SRSF3: variants seen among roughly 807,000 people sequenced by gnomAD.
The protein encoded by SRSF3 is serine/arginine-rich splicing factor 3.
For synonymous variants in SRSF3, 87 were observed against 73.6 expected (o/e 1.18, Z -0.93); for missense variants, 58 against 217.1 (o/e 0.27, Z 4.61).
chr6:36,599,922 G>A (rs1354140842), intron 3 of SRSF3: 19 of 1,348,038 alleles, frequency 1.4e-5, no homozygotes, highest in African/African-American at 4.4e-5. Flanking sequence ...CAGCTTGGCT[G>A]GTGTCGTTTC....
At chr6:36,601,838 T>TGTCTTTGC in intron 5 of SRSF3, 44 bp downstream of exon 5, 1 of 1,604,410 alleles carries the variant, frequency 6.2e-7, no homozygotes, top group South Asian at 1.1e-5. Context: ...GCATACATAG[T>TGTCTTTGC]ATGCTAAGGC....
chr6:36,600,815 A>G (rs1778699020), intron 3 of SRSF3: 1 of 199,632 alleles, frequency 5.0e-6, no homozygotes, highest in African/African-American at 2.3e-5. Flanking sequence ...TTTTGGAACT[A>G]CTTGTGGGAC....
rs1037839208 is a variant in SRSF3 at position 36,603,350 on chromosome 6, A to C, written c.*1361A>C. The C allele has an allele frequency of 4.4e-6, 1 of 224,900 alleles. No individual in the cohort carries two copies. Among genetic ancestry groups the C allele is most frequent in the Non-Finnish European group, 8.9e-6 (1 of 112,598 alleles). 13.9% of individuals were successfully genotyped at this position (224,900 alleles called of 1,614,324 possible). A position where few individuals can be genotyped will look rare whatever the true frequency, so the allele number is the denominator to read the frequency against. ...ACAGTGCAGAATTGAATATGGAGGC[A>C]TGCATAACCTTCCTCTTAGAAAATG... On this transcript the variant is annotated 3_prime_UTR_variant, in exon 6 of 6. Coordinates refer to ENST00000373715, the MANE Select transcript of SRSF3 (RefSeq NM_003017.5).
At chr6:36,601,104 A>G (rs751615361) in intron 3 of SRSF3, 48 bp from the exon 4 acceptor site, 8 of 1,584,812 alleles carry the variant, frequency 5.0e-6, no homozygotes, top group Middle Eastern at 1.7e-4. Context: ...GCCTCACGCC[A>G]TAAATACTAA....
At chr6:36,597,094 G>GAT in intron 2 of SRSF3, 126 bp downstream of exon 2, 20 of 614,050 alleles carry the variant, frequency 3.3e-5, no homozygotes, top group South Asian at 6.1e-5. Flanking sequence ...ATACAATTGG[G>GAT]ATCTTTTTTT....
intron 3 of SRSF3, 129 bp downstream of exon 3, chr6:36,599,112 TG>T: frequency 1.7e-6 from 2 of 1,202,640 alleles, no homozygotes; most frequent in Non-Finnish European, 2.3e-6. Context: ...AAACATTTGT[TG>T]GGTGTAATTT....
intron 4 of SRSF3, 57 bp from the exon 5 acceptor site, chr6:36,601,651 T>C (rs1778717817): frequency 6.8e-7 from 1 of 1,464,402 alleles, no homozygotes. Flanking sequence ...ATCAAGAAAA[T>C]ATTTATGTAT....
Position 36,599,002 on chromosome 6 carries a change from G to GTT in SRSF3, c.341+20_341+21dup, listed in dbSNP as rs760969534. The GTT allele has an allele frequency of 2.4e-5, 39 of 1,613,732 alleles. No homozygotes were observed. Among genetic ancestry groups the GTT allele is most frequent in the Non-Finnish European group, 3.0e-5 (35 of 1,179,840 alleles). On this transcript the variant is annotated intron_variant, in intron 3 of 5. Transcript: ENST00000373715. The stretch of plus-strand genomic sequence containing the variant: ...GTCGCAGGTACTTGAGAGAAAGCTT[G>GTT]TTAAGAGGTATTGGTGTAATGGAGT...
chr6:36,595,224 C>T (rs1397189566), intron 1 of SRSF3, among the ~76,000 whole-genome samples: 1 of 152,138 alleles, frequency 6.6e-6, no homozygotes, highest in Non-Finnish European at 1.5e-5. Context: ...TGAAACTGGT[C>T]TACAAGTTTA....
chr6:36,596,622 C>A, intron 1 of SRSF3, 139 bp from the exon 2 acceptor site: 1 of 616,264 alleles, frequency 1.6e-6, no homozygotes, highest in Non-Finnish European at 2.6e-6. Context: ...TGTTTGGTTT[C>A]TAGCATTTTT....
In SRSF3 at chr6:36,601,891, C is replaced by T. The variant is rs1417475479; in HGVS notation, c.468-71C>T. ...AATTTTTTACCTTAAAGTTCTATTT[C>T]GATATGTCACTAAAGTGTCACCAAG... is the stretch of plus-strand genomic sequence containing the variant. On this transcript the variant is annotated intron_variant, in intron 5 of 5. Transcript: ENST00000373715. 29 of 1,581,066 alleles carry T rather than the reference C, an allele frequency of 1.8e-5. No homozygotes were observed. In the Admixed American group the frequency reaches 2.2e-4, roughly 12 times the overall value.
Position 36,604,396 on chromosome 6 carries a change from G to A in SRSF3, c.*2407G>A. On this transcript the variant is annotated 3_prime_UTR_variant, in exon 6 of 6. Coordinates refer to ENST00000373715, the MANE Select transcript of SRSF3 (RefSeq NM_003017.5). ...AGGGCGGGTGGGAGGATCTCTTGAA[G>A]CCAGGAGTTGGAGACCAGTCTGCCC... is the stretch of plus-strand genomic sequence containing the variant. 4.9e-6 allele frequency: 1 copy of A among 202,118 alleles called. No homozygotes were observed. The highest frequency in any genetic ancestry group is 7.6e-5 in the East Asian group (1 of 13,088). The allele number at this position is 202,118 out of a possible 1,614,324, so 12.5% of individuals were successfully genotyped here. A position where few individuals can be genotyped will look rare whatever the true frequency, so the allele number is the denominator to read the frequency against.
intron 4 of SRSF3, 108 bp downstream of exon 4, chr6:36,601,298 G>C: frequency 9.4e-7 from 1 of 1,062,180 alleles, no homozygotes; most frequent in Non-Finnish European, 1.4e-6. Flanking sequence ...GGCTTTAATA[G>C]TGAATCAAGT....
At chr6:36,595,851 T>C (rs1386481370) in intron 1 of SRSF3, among the ~76,000 whole-genome samples, 1 of 152,214 alleles carries the variant, frequency 6.6e-6, no homozygotes, top group African/African-American at 2.4e-5. Context: ...GACTCTGGTC[T>C]ATCTAATGAC....
At chr6:36,601,437 C>T (rs1724159245) in intron 4 of SRSF3, 2 of 576,034 alleles carry the variant, frequency 3.5e-6, no homozygotes, top group Non-Finnish European at 6.1e-6. Context: ...GCCTTTAACT[C>T]CTGGCCTTGG....
Position 36,598,987 on chromosome 6 carries a change from C to G in SRSF3, c.341+4C>G, listed in dbSNP as rs1343579204. 5.0e-6 allele frequency: 8 copies of G among 1,613,866 alleles called. No individual in the cohort carries two copies. The highest frequency in any genetic ancestry group is 6.8e-6 in the Non-Finnish European group (8 of 1,179,920). On this transcript the variant is annotated splice_donor_region_variant and intron_variant, in intron 3 of 5. Transcript: ENST00000373715. ...GGAGTCCTCCACCTCGTCGCAGGTA[C>G]TTGAGAGAAAGCTTGTTAAGAGGTA... is the stretch of plus-strand genomic sequence containing the variant.
intron 2 of SRSF3, among the ~76,000 whole-genome samples, chr6:36,597,527 A>G (rs1778650889): frequency 6.6e-6 from 1 of 152,168 alleles, no homozygotes; most frequent in South Asian, 2.1e-4. Context: ...CAGAAAGTGA[A>G]TCACTTACTA....
chr6:36,601,586 C>A, intron 4 of SRSF3, 122 bp from the exon 5 acceptor site: 1 of 908,718 alleles, frequency 1.1e-6, no homozygotes, highest in Non-Finnish European at 1.7e-6. Context: ...TCAAGTGAGC[C>A]TCCTGCCTCT....
intron 1 of SRSF3, 24 bp from the exon 2 acceptor site, chr6:36,596,737 T>C (rs1177189142): frequency 1.3e-6 from 2 of 1,594,382 alleles, no homozygotes; most frequent in Non-Finnish European, 1.7e-6. Flanking sequence ...GATGAATGAA[T>C]ATTTTTGGTA....
Sources: gnomAD v4.1 joint callset for allele counts (sites outside exome capture counted in the v4.1 genomes callset) on GRCh38, gnomAD v4.1.1 for gene constraint, MANE v1.5 for transcripts, NCBI Gene and HGNC (gene_info 2026-07-23, HGNC 2026-07-21) for gene names.